ZNF804B: variants seen among roughly 807,000 people sequenced by gnomAD.
ZNF804B encodes zinc finger protein 804B, also known as zinc finger 804B.
A neutral mutation model predicts 101.4 loss-of-function variants in ZNF804B; 80 were observed. The ratio of observed to expected loss-of-function variants is 0.79; its 90% CI spans 0.66 to 0.95. The LOEUF (loss-of-function observed/expected upper bound fraction) is 0.95. ZNF804B is among the 40% of genes least tolerant of loss of function. ZNF804B has a pLI of 0.00. For synonymous variants in ZNF804B, 622 were observed against 558.8 expected, an observed-to-expected ratio of 1.11 and a Z score of -1.59; for missense variants, 1,673 against 1,561.9, an observed-to-expected ratio of 1.07 and a Z score of -1.20.
intron 1 of ZNF804B, among the ~76,000 whole-genome samples, chr7:89,085,898 A>G (rs1282326666): frequency 6.6e-6 from 1 of 152,004 alleles, no homozygotes; most frequent in African/African-American, 2.4e-5. Flanking sequence ...TCAAAAATAT[A>G]ATAGAGTGAT....
Position 89,334,400 on chromosome 7 carries a change from A to T in ZNF804B, c.1418A>T (p.Tyr473Phe). 6.2e-7 allele frequency: 1 copy of T among 1,613,736 alleles called. No individual in the cohort carries two copies. The highest frequency in any genetic ancestry group is 1.1e-5 in the South Asian group (1 of 91,080). Reference sequence around the variant, plus strand: ...ACAAAAACAGAACCCTGTATCTCTTATGGCTGCAACCCACTGTATTTTGAT... The same window carrying T: ...ACAAAAACAGAACCCTGTATCTCTTTTGGCTGCAACCCACTGTATTTTGAT... Reference protein sequence around the residue: ...LFTKTEPCISYGCNPLYFDFK... With the variant: ...LFTKTEPCISFGCNPLYFDFK... The change falls in exon 4 of 4, where the codon TAT (tyrosine) becomes TTT (phenylalanine). Residue 473 changes from tyrosine to phenylalanine, a missense_variant. By Grantham distance (22) the Tyr-to-Phe change is conservative. Transcript: ENST00000333190.
chr7:88,785,684 C>A (rs991527602), intron 1 of ZNF804B, among the ~76,000 whole-genome samples: 1 of 152,232 alleles, frequency 6.6e-6, no homozygotes, highest in Admixed American at 6.5e-5. Context: ...GAGGCCCTGC[C>A]TTGTAGAAAT....
intron 1 of ZNF804B, among the ~76,000 whole-genome samples, chr7:89,204,275 G>C (rs1007424848): frequency 2.6e-5 from 4 of 152,112 alleles, no homozygotes; most frequent in African/African-American, 9.7e-5. Context: ...ATGCACAATA[G>C]ATATATTCAT....
At chr7:89,251,877 C>T (rs983939751) in intron 2 of ZNF804B, among the ~76,000 whole-genome samples, 3 of 152,150 alleles carry the variant, frequency 2.0e-5, no homozygotes, top group South Asian at 4.2e-4. Flanking sequence ...TGAAACTGGA[C>T]CCCTACCTTT....
At chr7:88,885,787 C>A (rs899098871) in intron 1 of ZNF804B, among the ~76,000 whole-genome samples, 1 of 151,366 alleles carries the variant, frequency 6.6e-6, no homozygotes, top group Non-Finnish European at 1.5e-5. Context: ...ATCTTATATG[C>A]GTCTGTTTAA....
intron 1 of ZNF804B, among the ~76,000 whole-genome samples, chr7:88,977,114 G>T (rs1240955222): frequency 6.6e-6 from 1 of 151,544 alleles, no homozygotes; most frequent in Non-Finnish European, 1.5e-5. Flanking sequence ...CCTTTTTAAT[G>T]TGTTATTGAA....
chr7:89,242,822 T>G (rs1012299296), intron 2 of ZNF804B, among the ~76,000 whole-genome samples: 3 of 151,868 alleles, frequency 2.0e-5, no homozygotes, highest in African/African-American at 4.8e-5. Flanking sequence ...CTTCTAAATG[T>G]TGGAATACAA....
rs535588293 is a variant in ZNF804B at position 88,795,178 on chromosome 7, A to G, written c.108+35094A>G. ...ACAATGTTAAAACAATACTCAAACT[A>G]TAGACTTTTTTAAAAGTTTACAACG... On this transcript the variant is annotated intron_variant, in intron 1 of 3. Transcript: ENST00000333190. The G allele has an allele frequency of 1.0e-3, 361 of 352,536 alleles. 2 individuals are homozygous for G. The highest frequency in any genetic ancestry group is 1.6e-3 in the Middle Eastern group (2 of 1,274). 21.8% of individuals were successfully genotyped at this position (352,536 alleles called of 1,614,324 possible).
chr7:89,216,583 C>T (rs1039040097), intron 1 of ZNF804B, among the ~76,000 whole-genome samples: 16 of 152,268 alleles, frequency 1.1e-4, no homozygotes, highest in African/African-American at 3.9e-4. Context: ...TACTTTAACT[C>T]TCTTAGGTAG....
At chr7:88,834,733 T>C (rs893376727) in intron 1 of ZNF804B, among the ~76,000 whole-genome samples, 1 of 151,778 alleles carries the variant, frequency 6.6e-6, no homozygotes, top group African/African-American at 2.4e-5. Flanking sequence ...AACGATGCTA[T>C]ATTGATGTCA....
chr7:89,291,532 G>A (rs1790292317), intron 2 of ZNF804B, among the ~76,000 whole-genome samples: 1 of 152,020 alleles, frequency 6.6e-6, no homozygotes, highest in Admixed American at 6.6e-5. Context: ...TGATCAAACA[G>A]AAGAAAGAAT....
chr7:89,075,805 T>A (rs1002757113), intron 1 of ZNF804B, among the ~76,000 whole-genome samples: 1 of 152,200 alleles, frequency 6.6e-6, no homozygotes, highest in African/African-American at 2.4e-5. Flanking sequence ...AGGGAGGCTG[T>A]ACCCTTAACA....
At chr7:89,050,198 A>T (rs1789177496) in intron 1 of ZNF804B, among the ~76,000 whole-genome samples, 4 of 152,180 alleles carry the variant, frequency 2.6e-5, no homozygotes, top group Non-Finnish European at 1.5e-5. Context: ...ACAAAAAAAA[A>T]GATTTTAGTA....
At chr7:89,165,641 A>G (rs1437130360) in intron 1 of ZNF804B, among the ~76,000 whole-genome samples, 1 of 152,108 alleles carries the variant, frequency 6.6e-6, no homozygotes, top group African/African-American at 2.4e-5. Context: ...GTAAAATTAA[A>G]TGTCTTTATA....
intron 1 of ZNF804B, among the ~76,000 whole-genome samples, chr7:88,835,450 G>A (rs191820549): frequency 6.6e-6 from 1 of 151,868 alleles, no homozygotes; most frequent in African/African-American, 2.4e-5. Context: ...AAAGCAAAAA[G>A]TGTTTTTAAA....
In ZNF804B at chr7:88,854,533, T is replaced by TCCCTTC. The variant is rs1554340260; in HGVS notation, c.108+94451_108+94452insCTTCCC. Among the ~76,000 whole-genome samples the TCCCTTC allele has an allele frequency of 1.2e-4, 9 of 78,186 alleles. 1 individual carries two copies. The South Asian group carries it at 4.7e-3, about 41-fold the overall frequency. 51.3% of individuals were successfully genotyped at this position (78,186 alleles called of 152,430 possible). ...TTTCCTTTCCTTTCCTTCCTTTCCT[T>TCCCTTC]CCTTCCTTCCTTCCTTCCTTCCTTC... On this transcript the variant is annotated intron_variant, in intron 1 of 3. Coordinates refer to ENST00000333190, the MANE Select transcript of ZNF804B (RefSeq NM_181646.5).
At chr7:89,048,173 G>A (rs958624265) in intron 1 of ZNF804B, among the ~76,000 whole-genome samples, 1 of 147,668 alleles carries the variant, frequency 6.8e-6, no homozygotes, top group African/African-American at 2.6e-5. Context: ...CTTAGCCCCC[G>A]CTTATTAGTG....
chr7:89,228,325 G>A (rs1258129578), intron 2 of ZNF804B, among the ~76,000 whole-genome samples: 2 of 152,102 alleles, frequency 1.3e-5, no homozygotes, highest in African/African-American at 2.4e-5. Context: ...TGCCACTGCT[G>A]GCTCAGGCAG....
intron 1 of ZNF804B, among the ~76,000 whole-genome samples, chr7:89,106,781 A>C (rs1790143280): frequency 6.6e-6 from 1 of 152,244 alleles, no homozygotes. Flanking sequence ...TTAGAATACA[A>C]AAACAAGACC....
Sources: gnomAD v4.1 joint callset for allele counts (sites outside exome capture counted in the v4.1 genomes callset) on GRCh38, gnomAD v4.1.1 for gene constraint, MANE v1.5 for transcripts, NCBI Gene and HGNC (gene_info 2026-07-23, HGNC 2026-07-21) for gene names.